Variants in RAB38 observed in about 807,000 individuals in gnomAD.
RAB38 encodes RAB38, member RAS oncogene family.
In RAB38, 15 loss-of-function variants were observed where a neutral mutation model predicts 18.4. The ratio of observed to expected loss-of-function variants is 0.82; its 90% CI spans 0.55 to 1.26. The LOEUF (loss-of-function observed/expected upper bound fraction) is 1.26. RAB38 is among the 50% of genes most tolerant of loss of function. The probability of loss-of-function intolerance (pLI) is 0.00; values close to 1 mark genes in which losing one functional copy is unlikely to be tolerated. For synonymous variants in RAB38, 101 were observed against 104.4 expected, an observed-to-expected ratio of 0.97 and a Z score of 0.20; for missense variants, 294 against 267.4, an observed-to-expected ratio of 1.10 and a Z score of -0.69.
the RAB38 span, among the ~76,000 whole-genome samples, chr11:87,886,824 G>C: frequency 7.2e-6 from 1 of 139,024 alleles, no homozygotes; most frequent in Non-Finnish European, 1.5e-5. Context: ...TGAAGCACTT[G>C]TTTTTTTTTT....
the RAB38 span, among the ~76,000 whole-genome samples, chr11:87,950,844 G>A: frequency 2.0e-5 from 3 of 152,270 alleles, no homozygotes; most frequent in East Asian, 3.9e-4. Context: ...CAACCTTGGT[G>A]AATCAGACAA....
the RAB38 span, among the ~76,000 whole-genome samples, chr11:88,051,575 A>G: frequency 6.6e-6 from 1 of 152,194 alleles, no homozygotes; most frequent in African/African-American, 2.4e-5. Flanking sequence ...CTGTTTAAAC[A>G]GGATACAGTC....
the RAB38 span, among the ~76,000 whole-genome samples, chr11:87,816,709 AAGAG>A: frequency 6.6e-6 from 1 of 151,954 alleles, no homozygotes; most frequent in East Asian, 1.9e-4. Context: ...TAGAGAGAGA[AAGAG>A]AGAGAGAGGG....
intron 2 of RAB38, among the ~76,000 whole-genome samples, chr11:88,135,612 T>C (rs564126144): frequency 1.3e-5 from 2 of 152,320 alleles, no homozygotes; most frequent in Non-Finnish European, 2.9e-5. Flanking sequence ...CTCTGATAGT[T>C]TGCATTTACT....
chr11:88,021,433 G>C, the RAB38 span, among the ~76,000 whole-genome samples: 3 of 151,908 alleles, frequency 2.0e-5, no homozygotes, highest in Non-Finnish European at 4.4e-5. Context: ...ATAAAATCTA[G>C]GCCATGATAA....
At chr11:87,846,305 C>T in the RAB38 span, among the ~76,000 whole-genome samples, 1 of 151,918 alleles carries the variant, frequency 6.6e-6, no homozygotes, top group East Asian at 1.9e-4. Context: ...CAGAAATGAA[C>T]AAAGTGGATA....
At chr11:88,128,503 G>A (rs577584661) in intron 2 of RAB38, among the ~76,000 whole-genome samples, 199 of 152,312 alleles carry the variant, frequency 1.3e-3, no homozygotes, top group African/African-American at 4.7e-3. Flanking sequence ...GCCATCTGGA[G>A]GGTAGCTCCC....
chr11:87,860,958 T>G, the RAB38 span, among the ~76,000 whole-genome samples: 2 of 151,926 alleles, frequency 1.3e-5, no homozygotes, highest in Admixed American at 1.3e-4. Context: ...GCAACATAAA[T>G]TCTGCTAAAA....
the RAB38 span, among the ~76,000 whole-genome samples, chr11:87,946,438 G>A: frequency 1.3e-5 from 2 of 152,040 alleles, no homozygotes; most frequent in Admixed American, 6.6e-5. Context: ...TGTGCACAAC[G>A]TGCAGGTTTG....
At chr11:88,014,967 A>G in the RAB38 span, among the ~76,000 whole-genome samples, 1 of 152,164 alleles carries the variant, frequency 6.6e-6, no homozygotes, top group African/African-American at 2.4e-5. Context: ...GAATTTCTGA[A>G]AGTGAAATTG....
the RAB38 span, among the ~76,000 whole-genome samples, chr11:87,895,991 GTAT>G: frequency 6.6e-6 from 1 of 151,544 alleles, no homozygotes; most frequent in Non-Finnish European, 1.5e-5. Context: ...TTAAGCCTGC[GTAT>G]TATTCTGAAT....
At chr11:88,082,387 G>A in the RAB38 span, among the ~76,000 whole-genome samples, 1 of 151,854 alleles carries the variant, frequency 6.6e-6, no homozygotes, top group South Asian at 2.1e-4. Context: ...TCAATTTTAG[G>A]AGTCTGAGCA....
chr11:87,973,326 T>C, the RAB38 span, among the ~76,000 whole-genome samples: 1 of 152,226 alleles, frequency 6.6e-6, no homozygotes. Context: ...CTCTAGATTC[T>C]TGCCATGAAA....
the RAB38 span, among the ~76,000 whole-genome samples, chr11:88,081,660 G>A: frequency 6.6e-6 from 1 of 151,790 alleles, no homozygotes; most frequent in Non-Finnish European, 1.5e-5. Flanking sequence ...GTATTTCATA[G>A]AAGGACATCC....
chr11:88,009,057 A>C, the RAB38 span, among the ~76,000 whole-genome samples: 3 of 152,222 alleles, frequency 2.0e-5, no homozygotes, highest in Non-Finnish European at 4.4e-5. Flanking sequence ...CCAGGCCAAG[A>C]CATATCATCA....
chr11:88,149,529 C>A, intron 2 of RAB38, 146 bp downstream of exon 2: 1 of 981,472 alleles, frequency 1.0e-6, no homozygotes, highest in South Asian at 1.8e-5. Context: ...ACTCATTGCA[C>A]TGAGATGAGA....
chr11:87,954,980 A>AGT, the RAB38 span, among the ~76,000 whole-genome samples: 1 of 152,218 alleles, frequency 6.6e-6, no homozygotes, highest in African/African-American at 2.4e-5. Flanking sequence ...ATATATACTA[A>AGT]GTAGCGGGTT....
intron 2 of RAB38, among the ~76,000 whole-genome samples, chr11:88,121,594 G>A (rs754107114): frequency 6.6e-6 from 1 of 151,510 alleles, no homozygotes; most frequent in Non-Finnish European, 1.5e-5. Flanking sequence ...ACGGAGCCTC[G>A]CTCTGTCGCC....
chr11:88,035,986 A>C, the RAB38 span, among the ~76,000 whole-genome samples: 1 of 152,162 alleles, frequency 6.6e-6, no homozygotes, highest in Admixed American at 6.5e-5. Context: ...ATGAGCAAAA[A>C]ATAATAAAAT....
Sources: gnomAD v4.1 joint callset for allele counts (sites outside exome capture counted in the v4.1 genomes callset) on GRCh38, gnomAD v4.1.1 for gene constraint, MANE v1.5 for transcripts, NCBI Gene and HGNC (gene_info 2026-07-23, HGNC 2026-07-21) for gene names.